GRID1: variants seen among roughly 807,000 people sequenced by gnomAD.
The protein encoded by GRID1 is glutamate ionotropic receptor delta type subunit 1.
In GRID1, 28 loss-of-function variants were observed where a neutral mutation model predicts 98.0. The ratio of observed to expected loss-of-function variants is 0.29; its 90% CI spans 0.21 to 0.39. The LOEUF (loss-of-function observed/expected upper bound fraction) is 0.39. Among genes scored for constraint, GRID1 ranks in the 10% least tolerant of loss-of-function variants. The pLI, the probability that GRID1 is intolerant of heterozygous loss-of-function variation, is 1.00. For synonymous variants in GRID1, 553 were observed against 538.5 expected, an observed-to-expected ratio of 1.03 and a Z score of -0.37; for missense variants, 1,111 against 1,340.5, an observed-to-expected ratio of 0.83 and a Z score of 2.67.
intron 8 of GRID1, among the ~76,000 whole-genome samples, chr10:85,834,894 C>A (rs1480467270): frequency 6.6e-6 from 1 of 151,510 alleles, no homozygotes; most frequent in Non-Finnish European, 1.5e-5. Context: ...AATTAAAAGG[C>A]AAAAATGGGA....
At chr10:85,984,300 C>T (rs1842582646) in intron 4 of GRID1, among the ~76,000 whole-genome samples, 1 of 152,224 alleles carries the variant, frequency 6.6e-6, no homozygotes, top group South Asian at 2.1e-4. Context: ...CATAACAGTT[C>T]TCCTTCCTCT....
At chr10:86,115,365 G>A (rs1228124842) in intron 4 of GRID1, among the ~76,000 whole-genome samples, 1 of 152,170 alleles carries the variant, frequency 6.6e-6, no homozygotes, top group East Asian at 1.9e-4. Flanking sequence ...ATGAATGAAT[G>A]AATGAATGAA....
At chr10:86,209,700 C>T (rs149350261) in intron 2 of GRID1, among the ~76,000 whole-genome samples, 1 of 152,228 alleles carries the variant, frequency 6.6e-6, no homozygotes, top group African/African-American at 2.4e-5. Context: ...ACTGTATATC[C>T]CTGGGACGTA....
At chr10:86,276,967 G>T (rs566809901) in intron 2 of GRID1, among the ~76,000 whole-genome samples, 16 of 152,224 alleles carry the variant, frequency 1.1e-4, no homozygotes, top group Middle Eastern at 3.4e-3. Context: ...AGTCACCAAG[G>T]ACAAATATTG....
In GRID1 at chr10:86,089,092, A is replaced by G. The variant is rs554454731; in HGVS notation, c.726+49727T>C. 2.0e-5 allele frequency among the ~76,000 whole-genome samples: 3 copies of G among 152,326 alleles called. No individual in the cohort carries two copies. In the South Asian group the frequency reaches 6.2e-4, roughly 32 times the overall value. On this transcript the variant is annotated intron_variant, in intron 4 of 15. Coordinates refer to ENST00000327946, the MANE Select transcript of GRID1 (RefSeq NM_017551.3). ...AGATCCCAGACTCCCCATCTTCACCAGGCTGAAATGAAGTCCCCATTTGCC... is the reference window on the plus strand; with the variant it reads ...AGATCCCAGACTCCCCATCTTCACCGGGCTGAAATGAAGTCCCCATTTGCC...
In GRID1 at chr10:85,834,190, A is replaced by C. The variant is rs1010829973; in HGVS notation, c.1233+20306T>G. Among the ~76,000 whole-genome samples, 8 of 152,340 alleles carry C rather than the reference A, an allele frequency of 5.3e-5. No individual in the cohort carries two copies. The East Asian group carries it at 1.5e-3, about 29-fold the overall frequency. ...TCCATGTCAAGACATATCATAATAA[A>C]ACTTCTGAAAACTAAATTTTTTAAA... On this transcript the variant is annotated intron_variant, in intron 8 of 15. Transcript: ENST00000327946.
At chr10:85,788,427 G>A (rs369687173) in intron 8 of GRID1, among the ~76,000 whole-genome samples, 2 of 152,224 alleles carry the variant, frequency 1.3e-5, no homozygotes, top group East Asian at 3.9e-4. Flanking sequence ...TAAAGAGTGG[G>A]GTCCCCATTA....
chr10:86,307,975 C>A (rs1460830228), intron 2 of GRID1, among the ~76,000 whole-genome samples: 1 of 152,194 alleles, frequency 6.6e-6, no homozygotes, highest in Non-Finnish European at 1.5e-5. Flanking sequence ...ACTACAGGCA[C>A]CATGCTGTGC....
chr10:85,851,958 C>T (rs1843062223), intron 8 of GRID1, among the ~76,000 whole-genome samples: 1 of 152,072 alleles, frequency 6.6e-6, no homozygotes, highest in African/African-American at 2.4e-5. Flanking sequence ...CCACCCTTCA[C>T]AGCCCCGTCT....
At chr10:85,912,057 C>T (rs1404406574) in intron 5 of GRID1, among the ~76,000 whole-genome samples, 7 of 152,216 alleles carry the variant, frequency 4.6e-5, no homozygotes, top group Non-Finnish European at 8.8e-5. Context: ...TTGCTCTACA[C>T]TATGTACATT....
intron 14 of GRID1, among the ~76,000 whole-genome samples, chr10:85,616,436 C>A (rs952162768): frequency 6.6e-6 from 1 of 152,178 alleles, no homozygotes; most frequent in Non-Finnish European, 1.5e-5. Flanking sequence ...GATGGTGAGG[C>A]TCTGGCCAGA....
intron 2 of GRID1, among the ~76,000 whole-genome samples, chr10:86,300,228 A>G (rs1044565663): frequency 6.6e-6 from 1 of 151,890 alleles, no homozygotes; most frequent in Non-Finnish European, 1.5e-5. Flanking sequence ...GGCAAGAAAG[A>G]ATTCCTCCCA....
intron 4 of GRID1, among the ~76,000 whole-genome samples, chr10:86,014,331 T>A (rs1842955280): frequency 6.6e-6 from 1 of 152,226 alleles, no homozygotes; most frequent in Non-Finnish European, 1.5e-5. Context: ...AAGAAATGCC[T>A]AATAATGGAA....
chr10:85,634,620 T>G (rs1198859930), intron 13 of GRID1, among the ~76,000 whole-genome samples: 1 of 152,130 alleles, frequency 6.6e-6, no homozygotes. Context: ...TCCTCAATGG[T>G]GAAGATAAAG....
At chr10:86,268,589 C>T (rs1847140238) in intron 2 of GRID1, among the ~76,000 whole-genome samples, 1 of 152,208 alleles carries the variant, frequency 6.6e-6, no homozygotes, top group South Asian at 2.1e-4. Context: ...AGGAGGCCAC[C>T]AACACCATTT....
chr10:85,800,720 T>G (rs191991576), intron 8 of GRID1, among the ~76,000 whole-genome samples: 2 of 152,228 alleles, frequency 1.3e-5, no homozygotes, highest in East Asian at 3.9e-4. Flanking sequence ...ATTTACTTAA[T>G]AAATCTTTAT....
At chr10:85,758,683 T>C (rs1842120592) in intron 8 of GRID1, among the ~76,000 whole-genome samples, 1 of 152,108 alleles carries the variant, frequency 6.6e-6, no homozygotes, top group Non-Finnish European at 1.5e-5. Context: ...ACTGCAAAAG[T>C]GCGTGGGTAC....
chr10:86,320,113 G>A (rs1564737873), intron 2 of GRID1, among the ~76,000 whole-genome samples: 1 of 152,246 alleles, frequency 6.6e-6, no homozygotes, highest in Non-Finnish European at 1.5e-5. Context: ...TCAATTTATA[G>A]ATTACGGTAA....
In GRID1 at chr10:86,364,017, G is replaced by A. The variant is rs1477124469; in HGVS notation, c.159C>T (p.Asp53=). ...LAVSDLSLND[D]ILQSEKITYS... ...AGGTGATCTTCTCGCTCTGCAGGATGTCATCGTTGAGGCTCAGGTCGGATA... is the reference window on the plus strand; with the variant it reads ...AGGTGATCTTCTCGCTCTGCAGGATATCATCGTTGAGGCTCAGGTCGGATA... The change falls in exon 2 of 16, where the codon GAC becomes GAT. Residue 53 remains aspartate (D), a synonymous_variant. Coordinates refer to ENST00000327946, the MANE Select transcript of GRID1 (RefSeq NM_017551.3). 1 of 1,613,738 alleles carries A rather than the reference G, an allele frequency of 6.2e-7. No individual in the cohort carries two copies. Among genetic ancestry groups the A allele is most frequent in the Non-Finnish European group, 8.5e-7 (1 of 1,179,612 alleles).
Sources: allele counts gnomAD v4.1 joint callset (sites outside exome capture counted in the v4.1 genomes callset), GRCh38; gene constraint gnomAD v4.1.1; transcripts MANE v1.5; gene names NCBI Gene and HGNC (gene_info 2026-07-23, HGNC 2026-07-21).